Variants in DCLK1 observed in about 807,000 individuals in gnomAD.
The protein encoded by DCLK1 is doublecortin like kinase 1.
DCLK1 carries 16 observed loss-of-function variants against 86.2 expected under a neutral mutation model. That is an observed-to-expected ratio of 0.19 (90% CI 0.13 to 0.28). DCLK1 has a LOEUF of 0.28. Among genes scored for constraint, DCLK1 ranks in the 10% least tolerant of loss-of-function variants. DCLK1 has a pLI of 1.00. For missense variants in DCLK1, 590 were observed against 940.2 expected (o/e 0.63, Z 4.87); for synonymous variants, 369 against 370.5 (o/e 1.00, Z 0.05).
intron 5 of DCLK1, among the ~76,000 whole-genome samples, chr13:35,863,539 A>C (rs1188983195): frequency 6.6e-6 from 1 of 152,152 alleles, no homozygotes; most frequent in Admixed American, 6.5e-5. Context: ...GAGAAAGGAG[A>C]AATGGAAGGA....
chr13:36,104,002 T>C (rs980156800), intron 3 of DCLK1, among the ~76,000 whole-genome samples: 1 of 152,248 alleles, frequency 6.6e-6, no homozygotes, highest in Non-Finnish European at 1.5e-5. Context: ...GTGCTTTCAA[T>C]AGCGAAAATG....
At chr13:36,104,167 G>A (rs1566013530) in intron 3 of DCLK1, among the ~76,000 whole-genome samples, 1 of 152,300 alleles carries the variant, frequency 6.6e-6, no homozygotes, top group East Asian at 1.9e-4. Flanking sequence ...AGCTACACAT[G>A]ACCACAGCCC....
rs1056187535 is a variant in DCLK1 at position 35,771,062 on chromosome 13, C to T, written c.*3473G>A. 6.6e-5 allele frequency: 10 copies of T among 152,276 alleles called. No individual in the cohort carries two copies. The highest frequency in any genetic ancestry group is 3.9e-4 in the East Asian group (2 of 5,184). 9.4% of individuals were successfully genotyped at this position (152,276 alleles called of 1,614,324 possible). A position where few individuals can be genotyped will look rare whatever the true frequency, so the allele number is the denominator to read the frequency against. On this transcript the variant is annotated 3_prime_UTR_variant, in exon 17 of 17. Transcript: ENST00000360631. Reference sequence around the variant, plus strand: ...CTCCCTCAGCACGATTGAGCTTCAGCGCAAGGGATAGAGTTGTCTAGTGGA... The same window carrying T: ...CTCCCTCAGCACGATTGAGCTTCAGTGCAAGGGATAGAGTTGTCTAGTGGA...
chr13:35,956,855 T>A (rs1300859566), intron 3 of DCLK1, among the ~76,000 whole-genome samples: 1 of 152,168 alleles, frequency 6.6e-6, no homozygotes, highest in Non-Finnish European at 1.5e-5. Context: ...AAATTTAACA[T>A]TTCCAATTAA....
In DCLK1 at chr13:35,933,713, G is replaced by A. The variant is rs1876587505; in HGVS notation, c.823+13645C>T. 2.6e-5 allele frequency among the ~76,000 whole-genome samples: 4 copies of A among 152,176 alleles called. 1 individual carries two copies. In the South Asian group the frequency reaches 8.3e-4, roughly 32 times the overall value. ...AGGCTGCACACAGCTCAGGGACCCT[G>A]GGCCCAGGCCACAAAACCCCTTTTT... is the stretch of plus-strand genomic sequence containing the variant. On this transcript the variant is annotated intron_variant, in intron 4 of 16. Coordinates refer to ENST00000360631, the MANE Select transcript of DCLK1 (RefSeq NM_001330071.2).
intron 4 of DCLK1, among the ~76,000 whole-genome samples, chr13:35,873,524 A>G (rs1431091595): frequency 6.6e-6 from 1 of 151,704 alleles, no homozygotes; most frequent in Non-Finnish European, 1.5e-5. Context: ...AGCTGGGACT[A>G]CAGGGTGCCC....
intron 14 of DCLK1, among the ~76,000 whole-genome samples, chr13:35,806,879 C>T (rs2087038169): frequency 6.6e-6 from 1 of 152,160 alleles, no homozygotes; most frequent in South Asian, 2.1e-4. Flanking sequence ...CCCTTTCTGG[C>T]AGCTTCCTGG....
intron 6 of DCLK1, chr13:35,849,155 T>C: frequency 4.1e-6 from 4 of 985,338 alleles, no homozygotes; most frequent in Non-Finnish European, 4.8e-6. Flanking sequence ...GGACGTTTTT[T>C]CTTCTTCCTC....
intron 4 of DCLK1, among the ~76,000 whole-genome samples, chr13:35,934,582 G>T (rs1832350821): frequency 6.6e-6 from 1 of 152,116 alleles, no homozygotes; most frequent in African/African-American, 2.4e-5. Context: ...TCATTGCCAT[G>T]AGAGCAGTAT....
At chr13:35,907,411 C>A (rs1303179185) in intron 4 of DCLK1, among the ~76,000 whole-genome samples, 4 of 152,142 alleles carry the variant, frequency 2.6e-5, no homozygotes, top group Non-Finnish European at 5.9e-5. Context: ...GATCCTCTCA[C>A]CTTAGCCTTC....
rs140206180 is a variant in DCLK1, at chr13:35,833,209, G to C, written c.1229+2824C>G. On this transcript the variant is annotated intron_variant, in intron 8 of 16. Coordinates refer to ENST00000360631, the MANE Select transcript of DCLK1 (RefSeq NM_001330071.2). The stretch of plus-strand genomic sequence containing the variant: ...TATATCACTAAGCAATGCCAGCAGT[G>C]CAGGTGGGGAAGACGACCAAGAGCC... Among the ~76,000 whole-genome samples the C allele has an allele frequency of 9.7e-3, 1,476 of 152,190 alleles. 31 individuals are homozygous for C. The highest frequency in any genetic ancestry group is 0.034 in the African/African-American group (1,394 of 41,532).
intron 3 of DCLK1, among the ~76,000 whole-genome samples, chr13:36,098,490 T>C (rs1051487794): frequency 1.3e-5 from 2 of 152,146 alleles, no homozygotes; most frequent in Admixed American, 6.5e-5. Flanking sequence ...TCCTTCCAGG[T>C]GAGAGAAGCA....
intron 5 of DCLK1, among the ~76,000 whole-genome samples, chr13:35,863,188 G>A (rs1871525852): frequency 6.6e-6 from 1 of 152,162 alleles, no homozygotes. Context: ...TTCACACAAT[G>A]GCAAAATTGC....
chr13:36,073,455 A>ACAAGAG (rs1254225771), intron 3 of DCLK1, among the ~76,000 whole-genome samples: 1 of 152,230 alleles, frequency 6.6e-6, no homozygotes, highest in Non-Finnish European at 1.5e-5. Flanking sequence ...AGAGGGTAAG[A>ACAAGAG]CAAGAGTCTC....
chr13:35,850,464 T>C lies in DCLK1; in HGVS notation c.1035+4035A>G, dbSNP rs948423740. 56 of 1,151,536 alleles carry C rather than the reference T, an allele frequency of 4.9e-5. 1 individual carries two copies. In the African/African-American group the frequency reaches 8.5e-4, roughly 17 times the overall value. 71.3% of individuals were successfully genotyped at this position (1,151,536 alleles called of 1,614,324 possible). A position where few individuals can be genotyped will look rare whatever the true frequency, so the allele number is the denominator to read the frequency against. Reference sequence around the variant, plus strand: ...ATGAAATTCATCTAGAGCCAGGCCCTGTACAAAAATCTCAGCATTTTGTGT... The same window carrying C: ...ATGAAATTCATCTAGAGCCAGGCCCCGTACAAAAATCTCAGCATTTTGTGT... On this transcript the variant is annotated intron_variant, in intron 6 of 16. Coordinates refer to ENST00000360631, the MANE Select transcript of DCLK1 (RefSeq NM_001330071.2).
intron 3 of DCLK1, among the ~76,000 whole-genome samples, chr13:36,028,677 G>A (rs1421241526): frequency 6.6e-6 from 1 of 152,204 alleles, no homozygotes; most frequent in African/African-American, 2.4e-5. Flanking sequence ...CACAGAATGA[G>A]ACAGGAGATT....
rs546508785 is a variant in DCLK1, at chr13:35,868,063, C to T, written c.940+3161G>A. 9.1e-4 allele frequency among the ~76,000 whole-genome samples: 132 copies of T among 144,514 alleles called. 1 individual carries two copies. The East Asian group carries it at 0.025, about 27-fold the overall frequency. 94.8% of individuals were successfully genotyped at this position (144,514 alleles called of 152,430 possible). On this transcript the variant is annotated intron_variant, in intron 5 of 16. Coordinates refer to ENST00000360631, the MANE Select transcript of DCLK1 (RefSeq NM_001330071.2). ...TTTGAGATGGAGTCTTGCTCTGTTG[C>T]CCAGGCTGGAGTGCAGTGGCACCAT...
chr13:36,130,740 C>G (rs573497076), intron 1 of DCLK1, among the ~76,000 whole-genome samples: 337 of 152,304 alleles, frequency 2.2e-3, no homozygotes, highest in African/African-American at 7.6e-3. Context: ...TTCCTTGGTT[C>G]CCGCTCCGCA....
chr13:36,021,561 A>G (rs920595051), intron 3 of DCLK1, among the ~76,000 whole-genome samples: 1 of 152,090 alleles, frequency 6.6e-6, no homozygotes, highest in African/African-American at 2.4e-5. Context: ...AGAAGACATA[A>G]TATGCCAAAA....
Sources: allele counts gnomAD v4.1 joint callset (sites outside exome capture counted in the v4.1 genomes callset), GRCh38; gene constraint gnomAD v4.1.1; transcripts MANE v1.5; gene names NCBI Gene and HGNC (gene_info 2026-07-23, HGNC 2026-07-21).